NYAP2: variants seen among roughly 807,000 people sequenced by gnomAD.
NYAP2 encodes the protein neuronal tyrosine-phosphorylated phosphoinositide-3-kinase adaptor 2.
In NYAP2, 23 loss-of-function variants were observed where a neutral mutation model predicts 50.4. The observed-to-expected ratio is 0.46, with a 90% CI of 0.33 to 0.65. The LOEUF is 0.65. NYAP2 is among the 30% of genes least tolerant of loss of function. The pLI is 0.02. For missense variants in NYAP2, 885 were observed against 861.0 expected (o/e 1.03, Z -0.35); for synonymous variants, 394 against 365.2 (o/e 1.08, Z -0.90).
chr2:225,653,596 G>C (rs896561938), exon 7 of NYAP2: 1 of 152,236 alleles, frequency 6.6e-6, no homozygotes, highest in African/African-American at 2.4e-5. Flanking sequence ...CTGGCCTCTA[G>C]GCTTCTCCTC....
chr2:225,449,982 G>A lies in NYAP2; in HGVS notation c.221+40881G>A, dbSNP rs1689625543. Among the ~76,000 whole-genome samples, 10 of 152,158 alleles carry A rather than the reference G, an allele frequency of 6.6e-5. No individual in the cohort carries two copies. In the South Asian group the frequency reaches 2.1e-3, roughly 32 times the overall value. On this transcript the variant is annotated intron_variant, in intron 3 of 6. Coordinates refer to ENST00000636099, the Ensembl canonical transcript of NYAP2. ...TATCTGATAATCTGACACCTGATAA[G>A]TATTTATTAGGTATAATAAATATCA...
chr2:225,699,518 A>G, the NYAP2 span: 1 of 151,938 alleles, frequency 6.6e-6, no homozygotes, highest in Non-Finnish European at 1.5e-5. Flanking sequence ...AGAAAATGAG[A>G]AATAAACATT....
chr2:225,651,110 A>G (rs1367064415), intron 6 of NYAP2, among the ~76,000 whole-genome samples: 1 of 152,222 alleles, frequency 6.6e-6, no homozygotes, highest in African/African-American at 2.4e-5. Context: ...CAAAATAGTC[A>G]TGGTACTTGC....
chr2:225,700,088 T>C, the NYAP2 span: 2 of 151,874 alleles, frequency 1.3e-5, no homozygotes, highest in Non-Finnish European at 2.9e-5. Context: ...AAACCAAATA[T>C]AACAGGAGTT....
chr2:225,624,087 A>C (rs1011674396), intron 5 of NYAP2, among the ~76,000 whole-genome samples: 1 of 152,210 alleles, frequency 6.6e-6, no homozygotes, highest in African/African-American at 2.4e-5. Context: ...TATTGGAGAA[A>C]AGTATATAAA....
chr2:225,549,845 T>A (rs1233328000), intron 4 of NYAP2, among the ~76,000 whole-genome samples: 3 of 151,628 alleles, frequency 2.0e-5, no homozygotes, highest in Non-Finnish European at 2.9e-5. Context: ...ATTAGCTGGG[T>A]ATGGTGGCGT....
chr2:225,582,086 G>T lies in NYAP2; in HGVS notation c.669G>T (p.Pro223=), dbSNP rs371567983. 2 of 1,614,006 alleles carry T rather than the reference G, an allele frequency of 1.2e-6. No individual in the cohort carries two copies. The highest frequency in any genetic ancestry group is 1.6e-4 in the Middle Eastern group (1 of 6,062). The change falls in exon 5 of 7, where the codon CCG becomes CCT. Residue 223 remains proline (P), a synonymous_variant. Transcript: ENST00000636099. This position sits in a 1 kb window ranked among gnomAD's most constrained non-coding sequence, Gnocchi z 7.0. ...ATGGGCCCCGGAGGACGTCGCTGCC[G>T]CGGGACTCCTCCTTGTCCCAGATGG...
chr2:225,520,513 C>G (rs1574656100), intron 4 of NYAP2, among the ~76,000 whole-genome samples: 2 of 152,244 alleles, frequency 1.3e-5, no homozygotes. Flanking sequence ...TTCCTGGCAC[C>G]ATTTATTAAA....
chr2:225,647,825 C>T (rs977936961), intron 6 of NYAP2, among the ~76,000 whole-genome samples: 14 of 152,072 alleles, frequency 9.2e-5, no homozygotes, highest in Admixed American at 4.6e-4. Flanking sequence ...TTCAATAAAA[C>T]TACACTTTGA....
the NYAP2 span, among the ~76,000 whole-genome samples, chr2:225,680,457 C>G: frequency 6.6e-6 from 1 of 152,082 alleles, no homozygotes; most frequent in Non-Finnish European, 1.5e-5. Flanking sequence ...CAATAATTTG[C>G]ATTTTTCTAG....
intron 5 of NYAP2, among the ~76,000 whole-genome samples, chr2:225,610,433 A>G (rs1692861730): frequency 6.6e-6 from 1 of 152,130 alleles, no homozygotes; most frequent in African/African-American, 2.4e-5. Flanking sequence ...TTACCTTGTT[A>G]AAGGGCCTAT....
chr2:225,700,737 A>C, the NYAP2 span: 37 of 151,822 alleles, frequency 2.4e-4, no homozygotes, highest in East Asian at 7.2e-3. Flanking sequence ...CCTCCCTTAA[A>C]ATTTATATTT....
intron 4 of NYAP2, among the ~76,000 whole-genome samples, chr2:225,519,050 G>T (rs1690994960): frequency 6.6e-6 from 1 of 151,546 alleles, no homozygotes; most frequent in South Asian, 2.1e-4. Flanking sequence ...AGGAAAAGGA[G>T]CAAAAAGAAT....
chr2:225,534,801 C>G (rs1361281539), intron 4 of NYAP2, among the ~76,000 whole-genome samples: 1 of 152,072 alleles, frequency 6.6e-6, no homozygotes, highest in African/African-American at 2.4e-5. Context: ...GCAAATAATA[C>G]AAGAATAGAA....
In NYAP2 at chr2:225,621,075, C is replaced by T. The variant is rs183945521; in HGVS notation, c.1619-5842C>T. Among the ~76,000 whole-genome samples, 4 of 145,668 alleles carry T rather than the reference C, an allele frequency of 2.7e-5. No individual in the cohort carries two copies. The East Asian group carries it at 8.1e-4, about 29-fold the overall frequency. The stretch of plus-strand genomic sequence containing the variant: ...CTTGCGGTGAGCTGAGATCGTGCCA[C>T]TGCACTCCAGCCTGGGCGACCAGCG... On this transcript the variant is annotated intron_variant, in intron 5 of 6. Transcript: ENST00000636099.
intron 4 of NYAP2, among the ~76,000 whole-genome samples, chr2:225,544,243 G>A (rs187089304): frequency 5.3e-5 from 8 of 150,642 alleles, no homozygotes; most frequent in South Asian, 4.2e-4. Context: ...TATCCATTGA[G>A]CCACTCTGTG....
intron 3 of NYAP2, among the ~76,000 whole-genome samples, chr2:225,501,777 C>A (rs1261958966): frequency 6.6e-6 from 1 of 152,154 alleles, no homozygotes; most frequent in Admixed American, 6.5e-5. Context: ...TTTACTGGGT[C>A]ACATCTTTCT....
At chr2:225,649,079 C>T (rs900947328) in intron 6 of NYAP2, among the ~76,000 whole-genome samples, 3 of 152,090 alleles carry the variant, frequency 2.0e-5, no homozygotes, top group African/African-American at 4.8e-5. Flanking sequence ...TCACTATGCA[C>T]GTACTTGTGC....
rs1384318552 is a variant in NYAP2 at position 225,402,802 on chromosome 2, G to A, written c.-18+1759G>A. Among the ~76,000 whole-genome samples the A allele has an allele frequency of 2.0e-5, 3 of 152,092 alleles. No homozygotes were observed. In the East Asian group the frequency reaches 5.8e-4, roughly 29 times the overall value. On this transcript the variant is annotated intron_variant, in intron 2 of 6. Transcript: ENST00000636099. ...AATGAGTGTGACCATTTGTGGGGTA[G>A]GGAGTAGGATTTCAAGCATAATCAA...
Sources: allele counts gnomAD v4.1 joint callset (sites outside exome capture counted in the v4.1 genomes callset), GRCh38; gene constraint gnomAD v4.1.1; non-coding constraint Gnocchi (gnomAD v3.1); transcripts MANE v1.5; gene names NCBI Gene and HGNC (gene_info 2026-07-23, HGNC 2026-07-21).